CALN1: variants seen among roughly 807,000 people sequenced by gnomAD.
The protein encoded by CALN1 is calneuron 1, also known as calcium-binding protein 8.
A neutral mutation model predicts 30.6 loss-of-function variants in CALN1; 17 were observed. The ratio of observed to expected loss-of-function variants is 0.56; its 90% CI spans 0.38 to 0.83. The LOEUF is 0.83. Ranked by LOEUF, CALN1 falls within the 40% of genes least tolerant of loss-of-function variation. The probability of loss-of-function intolerance (pLI) is 0.00; values close to 1 mark genes in which losing one functional copy is unlikely to be tolerated. For missense variants in CALN1, 291 were observed against 354.9 expected, an observed-to-expected ratio of 0.82 and a Z score of 1.45; for synonymous variants, 156 against 131.4, an observed-to-expected ratio of 1.19 and a Z score of -1.28.
chr7:72,402,158 G>GT (rs752925052), intron 2 of CALN1, among the ~76,000 whole-genome samples: 2 of 152,160 alleles, frequency 1.3e-5, no homozygotes, highest in Non-Finnish European at 2.9e-5. Flanking sequence ...GGCTAAGAGA[G>GT]TGGCTTCCCC....
In CALN1 at chr7:72,278,847, C is replaced by T. The variant is rs2074011; in HGVS notation, c.120-37G>A. ...AGAACAGGGGAGGGGAAAAGAAAGACATCATCATTCATTCTTCCTTTCCTT... is the reference window on the plus strand; with the variant it reads ...AGAACAGGGGAGGGGAAAAGAAAGATATCATCATTCATTCTTCCTTTCCTT... On this transcript the variant is annotated intron_variant, in intron 2 of 6. Coordinates refer to ENST00000395275, the MANE Select transcript of CALN1 (RefSeq NM_031468.4). 8.7e-3 allele frequency: 13,808 copies of T among 1,583,210 alleles called. 546 individuals carry two copies. In the East Asian group the frequency reaches 0.11, roughly 13 times the overall value.
chr7:71,790,389 AAAGAAAGAAAGAAAGAAAG>A (rs1562780191), intron 6 of CALN1, among the ~76,000 whole-genome samples: 4,788 of 117,626 alleles, frequency 0.041, 347 homozygotes, highest in African/African-American at 0.14. Flanking sequence ...AGAAAGAAAG[AAAGAAAGAAAGAAAGAAAG>A]AAAGAAAGAA....
At chr7:72,306,381 T>C (rs958981851) in intron 2 of CALN1, among the ~76,000 whole-genome samples, 4 of 152,218 alleles carry the variant, frequency 2.6e-5, no homozygotes, top group African/African-American at 7.2e-5. Flanking sequence ...TATCTGTCTC[T>C]AACGGCAGCC....
At chr7:71,826,878 A>G (rs1207181547) in intron 5 of CALN1, among the ~76,000 whole-genome samples, 1 of 152,090 alleles carries the variant, frequency 6.6e-6, no homozygotes, top group Non-Finnish European at 1.5e-5. Flanking sequence ...TGGTCTTGCT[A>G]TGTTGCCCAG....
intron 3 of CALN1, among the ~76,000 whole-genome samples, chr7:72,241,989 A>G (rs1794871101): frequency 6.6e-6 from 1 of 152,182 alleles, no homozygotes; most frequent in East Asian, 1.9e-4. Context: ...TCATTATCCC[A>G]AAGTGAAATT....
chr7:72,413,417 C>T (rs1040154136), upstream of CALN1, among the ~76,000 whole-genome samples: 5 of 151,914 alleles, frequency 3.3e-5, no homozygotes, highest in African/African-American at 1.2e-4. Context: ...CACATTCTTA[C>T]ACACACGTAC....
intron 2 of CALN1, among the ~76,000 whole-genome samples, chr7:72,368,539 C>T (rs1804021634): frequency 6.6e-6 from 1 of 151,834 alleles, no homozygotes; most frequent in Non-Finnish European, 1.5e-5. Context: ...ATGAAAATGT[C>T]TACTGAACAT....
At chr7:72,387,306 G>GGCAGGC (rs1562939216) in intron 2 of CALN1, among the ~76,000 whole-genome samples, 1 of 7,076 alleles carries the variant, frequency 1.4e-4, no homozygotes, top group Non-Finnish European at 3.9e-4. Flanking sequence ...GGGAGGGAGG[G>GGCAGGC]AGGCAGGCAT....
intron 2 of CALN1, among the ~76,000 whole-genome samples, chr7:72,349,295 TG>T (rs1802805572): frequency 2.6e-5 from 1 of 39,046 alleles, no homozygotes; most frequent in African/African-American, 9.2e-5. Context: ...TGTGTGTGTG[TG>T]TGTGTGTGTG....
intron 3 of CALN1, among the ~76,000 whole-genome samples, chr7:72,201,705 C>T (rs976639840): frequency 1.5e-5 from 2 of 133,340 alleles, no homozygotes; most frequent in African/African-American, 5.6e-5. Flanking sequence ...ATCCATGTAA[C>T]AAACATACCC....
intron 4 of CALN1, among the ~76,000 whole-genome samples, chr7:72,062,442 G>A (rs1333839971): frequency 6.7e-6 from 1 of 149,516 alleles, no homozygotes; most frequent in East Asian, 2.0e-4. Flanking sequence ...AACCAGGGAA[G>A]TGGAGGTTGC....
chr7:72,058,191 C>T (rs941567998), intron 4 of CALN1, among the ~76,000 whole-genome samples: 1 of 152,004 alleles, frequency 6.6e-6, no homozygotes, highest in African/African-American at 2.4e-5. Flanking sequence ...AGATGAGACC[C>T]TGGATGATCG....
intron 3 of CALN1, among the ~76,000 whole-genome samples, chr7:72,119,161 C>T (rs542663407): frequency 2.1e-4 from 32 of 152,242 alleles, no homozygotes; most frequent in Admixed American, 4.6e-4. Flanking sequence ...TCCATTTTCA[C>T]GCTGCTTATA....
At chr7:72,262,313 A>G (rs942619693) in intron 3 of CALN1, among the ~76,000 whole-genome samples, 8 of 152,206 alleles carry the variant, frequency 5.3e-5, no homozygotes, top group Admixed American at 2.6e-4. Context: ...TGTTTCCCAC[A>G]TCGAAACCCA....
At chr7:71,991,043 C>T (rs541183339) in intron 5 of CALN1, among the ~76,000 whole-genome samples, 1 of 142,000 alleles carries the variant, frequency 7.0e-6, no homozygotes, top group African/African-American at 2.8e-5. Flanking sequence ...AGGTATGAAA[C>T]AGTGAGGGGG....
chr7:72,299,484 T>C (rs1005862166), intron 2 of CALN1, among the ~76,000 whole-genome samples: 15 of 31,026 alleles, frequency 4.8e-4, no homozygotes, highest in African/African-American at 1.5e-3. Flanking sequence ...AAGGAAAAGA[T>C]GAATAGCCTT....
In CALN1 at chr7:72,335,221, C is replaced by T. The variant is rs1801934039; in HGVS notation, c.120-56411G>A. Among the ~76,000 whole-genome samples, 4 of 152,206 alleles carry T rather than the reference C, an allele frequency of 2.6e-5. No homozygotes were observed. The South Asian group carries it at 8.3e-4, about 32-fold the overall frequency. On this transcript the variant is annotated intron_variant, in intron 2 of 6. Coordinates refer to ENST00000395275, the MANE Select transcript of CALN1 (RefSeq NM_031468.4). ...GCCAAGAAGGAGAGCTGGAATGGGG[C>T]TTCTATGAAAAACACGTCCTGTTCT...
At chr7:72,439,684 T>TA (rs1808290292) in intron 1 of CALN1, among the ~76,000 whole-genome samples, 1 of 151,528 alleles carries the variant, frequency 6.6e-6, no homozygotes, top group Non-Finnish European at 1.5e-5. Flanking sequence ...TTCAAGCAAT[T>TA]CTCTACCTCA....
intron 5 of CALN1, among the ~76,000 whole-genome samples, chr7:71,937,212 G>T (rs971813061): frequency 7.1e-6 from 1 of 141,416 alleles, no homozygotes; most frequent in African/African-American, 2.6e-5. Flanking sequence ...GAGGCTGCTT[G>T]AACAGGAGAA....
Sources: allele counts gnomAD v4.1 joint callset (sites outside exome capture counted in the v4.1 genomes callset), GRCh38; gene constraint gnomAD v4.1.1; transcripts MANE v1.5; gene names NCBI Gene and HGNC (gene_info 2026-07-23, HGNC 2026-07-21).